The following PDE6A variants were observed in gnomAD, a reference collection of about 807,000 sequenced individuals.
PDE6A encodes the protein rod cGMP-specific 3',5'-cyclic phosphodiesterase subunit alpha.
PDE6A carries 84 observed loss-of-function variants against 106.3 expected under a neutral mutation model. That is an observed-to-expected ratio of 0.79 (90% CI 0.66 to 0.95). PDE6A has a LOEUF of 0.95. Among genes scored for constraint, PDE6A ranks in the 40% least tolerant of loss-of-function variants. The pLI is 0.00. For synonymous variants in PDE6A, 394 were observed against 386.6 expected (o/e 1.02, Z -0.23); for missense variants, 1,052 against 1,084.9 (o/e 0.97, Z 0.43).
chr5:149,913,524 T>A (rs1354239670), intron 6 of PDE6A, among the ~76,000 whole-genome samples: 1 of 152,154 alleles, frequency 6.6e-6, no homozygotes, highest in Non-Finnish European at 1.5e-5. Context: ...AGAACTTGTT[T>A]ATCTGGGTGA....
chr5:149,943,748 AGTACTGTGGAG>A (rs1257508669), intron 1 of PDE6A, among the ~76,000 whole-genome samples: 11 of 150,856 alleles, frequency 7.3e-5, no homozygotes, highest in African/African-American at 1.2e-4. Context: ...GTACTGTGGA[AGTACTGTGGAG>A]GTACTGTGGA....
At chr5:149,917,331 G>A (rs1339853415) in intron 5 of PDE6A, among the ~76,000 whole-genome samples, 6 of 152,028 alleles carry the variant, frequency 3.9e-5, no homozygotes, top group Admixed American at 2.6e-4. Flanking sequence ...CTTTACTACA[G>A]GTATTTTGAG....
At chr5:149,922,061 C>T (rs1008971877) in intron 4 of PDE6A, among the ~76,000 whole-genome samples, 3 of 152,014 alleles carry the variant, frequency 2.0e-5, no homozygotes, top group African/African-American at 7.2e-5. Flanking sequence ...AAAACAATGT[C>T]CCAAGCAGTA....
chr5:149,904,081 T>C (rs1268454555), intron 7 of PDE6A, among the ~76,000 whole-genome samples: 1 of 152,166 alleles, frequency 6.6e-6, no homozygotes, highest in Non-Finnish European at 1.5e-5. Flanking sequence ...ACCCTGTCTC[T>C]ACTAAAAATA....
intron 14 of PDE6A, 68 bp downstream of exon 14, chr5:149,886,197 G>A: frequency 8.4e-7 from 1 of 1,188,432 alleles, no homozygotes. Flanking sequence ...CAGTGAGTCT[G>A]CCTGGGAGCC....
At chr5:149,877,870 C>T (rs1319806031) in intron 17 of PDE6A, among the ~76,000 whole-genome samples, 2 of 152,058 alleles carry the variant, frequency 1.3e-5, no homozygotes, top group Non-Finnish European at 2.9e-5. Context: ...GGGGAGGGGC[C>T]GACTCTTCAC....
intron 6 of PDE6A, among the ~76,000 whole-genome samples, chr5:149,909,726 C>T (rs1753312747): frequency 6.6e-6 from 1 of 152,192 alleles, no homozygotes; most frequent in Admixed American, 6.5e-5. Flanking sequence ...AATTTCACTG[C>T]ATCACACAGG....
intron 17 of PDE6A, among the ~76,000 whole-genome samples, chr5:149,869,144 A>C (rs920255821): frequency 6.6e-6 from 1 of 152,160 alleles, no homozygotes; most frequent in Non-Finnish European, 1.5e-5. Context: ...AGCCTGGCCA[A>C]CTTGGTGAAA....
rs747874062 is a variant in PDE6A at position 149,884,731 on chromosome 5, G to C, written c.1926+49C>G. ...ACACTCAGGCTCCTTGTGAAATAGAGCCTCTGATCCAGGCCCCGCGGCCTG... is the reference window on the plus strand; with the variant it reads ...ACACTCAGGCTCCTTGTGAAATAGACCCTCTGATCCAGGCCCCGCGGCCTG... On this transcript the variant is annotated intron_variant, in intron 15 of 21. Coordinates refer to ENST00000255266, the MANE Select transcript of PDE6A (RefSeq NM_000440.3). 18 of 1,545,728 alleles carry C rather than the reference G, an allele frequency of 1.2e-5. 1 individual carries two copies. The South Asian group carries it at 1.9e-4, about 16-fold the overall frequency.
chr5:149,915,173 T>C (rs2113629056), intron 5 of PDE6A, among the ~76,000 whole-genome samples, 166 bp from the exon 6 acceptor site: 1 of 151,792 alleles, frequency 6.6e-6, no homozygotes, highest in Non-Finnish European at 1.5e-5. Flanking sequence ...TAAATGGGAC[T>C]ACAGGCACGC....
At chr5:149,864,798 C>T (rs1380612261) in intron 20 of PDE6A, among the ~76,000 whole-genome samples, 1 of 152,214 alleles carries the variant, frequency 6.6e-6, no homozygotes, top group East Asian at 1.9e-4. Flanking sequence ...CTGCCACAAA[C>T]TGCGATCTTG....
intron 8 of PDE6A, among the ~76,000 whole-genome samples, chr5:149,902,015 G>T (rs1211953906): frequency 6.6e-6 from 1 of 152,166 alleles, no homozygotes; most frequent in Non-Finnish European, 1.5e-5. Flanking sequence ...TTGACCAAAG[G>T]AAGTCACATT....
chr5:149,909,572 C>G (rs1753308570), intron 6 of PDE6A, among the ~76,000 whole-genome samples: 1 of 152,176 alleles, frequency 6.6e-6, no homozygotes, highest in Non-Finnish European at 1.5e-5. Flanking sequence ...TAAATAAACC[C>G]TCACCGAATT....
At chr5:149,929,389 G>A (rs909398282) in intron 4 of PDE6A, among the ~76,000 whole-genome samples, 2 of 152,090 alleles carry the variant, frequency 1.3e-5, no homozygotes, top group Admixed American at 1.3e-4. Flanking sequence ...GGCGGATCAC[G>A]AGGTCGGGAG....
At chr5:149,930,598 G>A (rs1754004144) in intron 4 of PDE6A, among the ~76,000 whole-genome samples, 1 of 152,202 alleles carries the variant, frequency 6.6e-6, no homozygotes, top group East Asian at 1.9e-4. Context: ...CCCGATGTCG[G>A]CATCTGCCTC....
chr5:149,867,258 G>T (rs1760364533), intron 19 of PDE6A: 1 of 214,468 alleles, frequency 4.7e-6, no homozygotes, highest in Non-Finnish European at 9.5e-6. Context: ...TGGGAAGCTG[G>T]CTGACTGTCT....
At chr5:149,918,700 T>C (rs1753623172) in intron 5 of PDE6A, among the ~76,000 whole-genome samples, 1 of 152,080 alleles carries the variant, frequency 6.6e-6, no homozygotes, top group Admixed American at 6.6e-5. Context: ...GAGCCTCAGT[T>C]TCCCAGGCTC....
Position 149,884,516 on chromosome 5 carries a change from T to C in PDE6A, c.1990A>G (p.Ile664Val). Residue 664 changes from isoleucine to valine, a missense_variant, in exon 16 of 22, where the codon ATT becomes GTT. Around this residue, in one of 3 missense-constraint regions of PDE6A, gnomAD observed 913 missense variants for 915.2 expected, o/e 1.00. Coordinates refer to ENST00000255266, the MANE Select transcript of PDE6A (RefSeq NM_000440.3). The stretch of plus-strand genomic sequence containing the variant: ...GCGAGGTCTGTGGCAATGATTGCAA[T>C]GTCCATCATGTGGATGGCATGCTCA... ...QHEHAIHMMD[I>V]AIIATDLALY... 6.2e-7 allele frequency: 1 copy of C among 1,613,752 alleles called. No individual in the cohort carries two copies. Among genetic ancestry groups the C allele is most frequent in the Non-Finnish European group, 8.5e-7 (1 of 1,179,728 alleles).
intron 8 of PDE6A, among the ~76,000 whole-genome samples, chr5:149,900,397 A>ATATATATATATATC (rs1240396619): frequency 4.4e-5 from 6 of 135,030 alleles, no homozygotes; most frequent in East Asian, 2.2e-4. Context: ...ATATATATAT[A>ATATATATATATATC]TCCGTTGGTT....
Sources: gnomAD v4.1 joint callset for allele counts (sites outside exome capture counted in the v4.1 genomes callset) on GRCh38, gnomAD v4.1.1 for gene constraint, gnomAD v4.1.1 regional missense constraint, MANE v1.5 for transcripts, NCBI Gene and HGNC (gene_info 2026-07-23, HGNC 2026-07-21) for gene names.